Variants in CNOT6L observed in about 807,000 individuals in gnomAD.
The protein encoded by CNOT6L is CCR4-NOT transcription complex subunit 6 like.
Under a neutral mutation model 64.0 loss-of-function variants are expected in CNOT6L, and 7 were observed. That is an observed-to-expected ratio of 0.11 (90% confidence interval 0.06 to 0.21). The LOEUF is 0.21. CNOT6L is among the 10% of genes least tolerant of loss of function. CNOT6L has a pLI of 1.00. For synonymous variants in CNOT6L, 193 were observed against 243.4 expected (o/e 0.79, Z 1.93); for missense variants, 245 against 669.0 (o/e 0.37, Z 6.99).
At chr4:77,770,253 G>GA (rs1286623361) in intron 4 of CNOT6L, among the ~76,000 whole-genome samples, 3 of 151,856 alleles carry the variant, frequency 2.0e-5, no homozygotes, top group Non-Finnish European at 4.4e-5. Flanking sequence ...AGGATATAGA[G>GA]AAAAAAAATC....
chr4:77,814,593 C>T (rs914281607), intron 1 of CNOT6L, among the ~76,000 whole-genome samples: 3 of 152,090 alleles, frequency 2.0e-5, no homozygotes, highest in Admixed American at 2.0e-4. Context: ...GAACTGGGTA[C>T]AATAATAGGT....
At position 77,731,399 on chromosome 4, in the gene CNOT6L, G is replaced by A; in HGVS notation, c.1012C>T (p.Leu338=). 1 of 1,611,832 alleles carries A rather than the reference G, an allele frequency of 6.2e-7. No homozygotes were observed. The highest frequency in any genetic ancestry group is 8.5e-7 in the Non-Finnish European group (1 of 1,179,238). ...VAVVLEVHKE[L]FGAGMKPIHA... ...ACATTGCACTCACCTGCTCCAAATAGTTCTTTGTGGACCTCTAATACCACA... is the reference window on the plus strand; with the variant it reads ...ACATTGCACTCACCTGCTCCAAATAATTCTTTGTGGACCTCTAATACCACA... Residue 338 remains leucine, a synonymous_variant, in exon 9 of 12, where the codon CTA becomes TTA. Transcript: ENST00000504123.
At chr4:77,762,236 A>T in intron 4 of CNOT6L, among the ~76,000 whole-genome samples, 1 of 152,180 alleles carries the variant, frequency 6.6e-6, no homozygotes, top group East Asian at 1.9e-4. Flanking sequence ...TCATTCTAAA[A>T]TGTATATGAA....
intron 4 of CNOT6L, among the ~76,000 whole-genome samples, chr4:77,772,296 G>A (rs1727645307): frequency 6.6e-6 from 1 of 151,972 alleles, no homozygotes; most frequent in South Asian, 2.1e-4. Context: ...ACAGTGGCGC[G>A]ATCTCGGCTC....
chr4:77,766,215 T>G (rs544967637), intron 4 of CNOT6L, among the ~76,000 whole-genome samples: 1 of 152,306 alleles, frequency 6.6e-6, no homozygotes, highest in South Asian at 2.1e-4. Flanking sequence ...TGTATGTATA[T>G]GTATATATAT....
At chr4:77,745,181 CT>C (rs1179643305) in intron 6 of CNOT6L, among the ~76,000 whole-genome samples, 2 of 152,008 alleles carry the variant, frequency 1.3e-5, no homozygotes, top group African/African-American at 4.8e-5. Context: ...TTGAGAAAAG[CT>C]TCTTTAAATG....
Position 77,715,273 on chromosome 4 carries a change from C to T in CNOT6L, c.*5158G>A, listed in dbSNP as rs1032339867. ...GTCATATCACTTGGCATTTGTATAT[C>T]CTTTCCATAATGTGATTTGTTTCTG... On this transcript the variant is annotated 3_prime_UTR_variant, in exon 12 of 12. Transcript: ENST00000504123. 3.3e-5 allele frequency: 5 copies of T among 152,144 alleles called. No individual in the cohort carries two copies. The highest frequency in any genetic ancestry group is 7.4e-5 in the Non-Finnish European group (5 of 67,974). 9.4% of individuals were successfully genotyped at this position (152,144 alleles called of 1,614,324 possible).
intron 8 of CNOT6L, 158 bp from the exon 9 acceptor site, chr4:77,731,696 T>C (rs529134791): frequency 1.2e-5 from 6 of 517,584 alleles, no homozygotes; most frequent in African/African-American, 4.0e-5. Flanking sequence ...AGTCTGATTA[T>C]TGTAAAAAGT....
chr4:77,752,794 C>T (rs1724995004), intron 5 of CNOT6L, among the ~76,000 whole-genome samples: 1 of 151,760 alleles, frequency 6.6e-6, no homozygotes, highest in African/African-American at 2.4e-5. Flanking sequence ...GAAATTAAGG[C>T]ATGTTCACCT....
chr4:77,748,627 C>T (rs1724475567), intron 5 of CNOT6L, among the ~76,000 whole-genome samples: 1 of 152,134 alleles, frequency 6.6e-6, no homozygotes, highest in African/African-American at 2.4e-5. Context: ...TTTTCACTTA[C>T]ATGGTATTTA....
intron 8 of CNOT6L, among the ~76,000 whole-genome samples, chr4:77,734,204 T>C (rs1192653332): frequency 6.6e-6 from 1 of 152,132 alleles, no homozygotes; most frequent in African/African-American, 2.4e-5. Context: ...AGTCCTGCAT[T>C]TATAGGTACT....
In CNOT6L at chr4:77,721,577, T is replaced by C. The variant is rs570397761; in HGVS notation, c.1456-934A>G. Among the ~76,000 whole-genome samples the C allele has an allele frequency of 3.3e-5, 5 of 152,328 alleles. No individual in the cohort carries two copies. The South Asian group carries it at 1.0e-3, about 32-fold the overall frequency. On this transcript the variant is annotated intron_variant, in intron 11 of 11. Transcript: ENST00000504123. Reference sequence around the variant, plus strand: ...GGGCTACTTAAAAAATAAAAACTTTTAATGAAAACAAATTTTTTTATTGTG... The same window carrying C: ...GGGCTACTTAAAAAATAAAAACTTTCAATGAAAACAAATTTTTTTATTGTG...
chr4:77,789,219 G>A (rs1729803536), intron 1 of CNOT6L, among the ~76,000 whole-genome samples: 1 of 151,974 alleles, frequency 6.6e-6, no homozygotes. Context: ...CAAAGTGATA[G>A]TAAACCCTCT....
intron 11 of CNOT6L, among the ~76,000 whole-genome samples, chr4:77,725,333 T>C (rs1030319876): frequency 3.3e-5 from 5 of 152,236 alleles, no homozygotes; most frequent in Non-Finnish European, 7.3e-5. Context: ...TCCTCTAGGC[T>C]TCTTATACCA....
At chr4:77,744,671 T>A (rs1440737717) in intron 7 of CNOT6L, 47 bp downstream of exon 7, 2 of 1,511,550 alleles carry the variant, frequency 1.3e-6, no homozygotes, top group African/African-American at 2.8e-5. Context: ...CTCTTATGTT[T>A]AAGTTCACCT....
rs1218266089 is a variant in CNOT6L, at chr4:77,818,961, G to A, written c.5+343C>T. ...CAGCCCTCCCCGGCCGGCCCCCTAGGAGCAGCTCTCACCTGCGAGGCTCGG... is the reference window on the plus strand; with the variant it reads ...CAGCCCTCCCCGGCCGGCCCCCTAGAAGCAGCTCTCACCTGCGAGGCTCGG... On this transcript the variant is annotated intron_variant, in intron 1 of 11. Coordinates refer to ENST00000504123, the MANE Select transcript of CNOT6L (RefSeq NM_144571.3). The A allele has an allele frequency of 7.6e-6, 5 of 660,698 alleles. No individual in the cohort carries two copies. In the Middle Eastern group the frequency reaches 1.2e-3, roughly 153 times the overall value. The allele number at this position is 660,698 out of a possible 1,614,324, so 40.9% of individuals were successfully genotyped here.
chr4:77,763,405 A>C (rs1726461482), intron 4 of CNOT6L, among the ~76,000 whole-genome samples: 1 of 152,114 alleles, frequency 6.6e-6, no homozygotes, highest in South Asian at 2.1e-4. Flanking sequence ...TCCTAATAAG[A>C]AGCTCAGTAC....
In CNOT6L at chr4:77,754,888, T is replaced by TAAAAAAAAAAAAAAAAA; in HGVS notation, c.490+1957_490+1973dup. Among the ~76,000 whole-genome samples, 237 of 36,914 alleles carry TAAAAAAAAAAAAAAAAA rather than the reference T, an allele frequency of 6.4e-3. 42 individuals carry two copies. Among genetic ancestry groups the TAAAAAAAAAAAAAAAAA allele is most frequent in the South Asian group, 0.012 (7 of 586 alleles). 24.2% of individuals were successfully genotyped at this position (36,914 alleles called of 152,430 possible). A position where few individuals can be genotyped will look rare whatever the true frequency, so the allele number is the denominator to read the frequency against. On this transcript the variant is annotated intron_variant, in intron 5 of 11. Coordinates refer to ENST00000504123, the MANE Select transcript of CNOT6L (RefSeq NM_144571.3). ...AAAACCTAATTCTAAACATTAGAAG[T>TAAAAAAAAAAAAAAAAA]AAAAAAAAAAAAAAAAAAAAAAAAA...
intron 1 of CNOT6L, among the ~76,000 whole-genome samples, chr4:77,801,551 G>A (rs1398863929): frequency 6.6e-6 from 1 of 151,946 alleles, no homozygotes; most frequent in Non-Finnish European, 1.5e-5. Context: ...TAAGAGTCAA[G>A]GAATACAGTT....
Sources: allele counts gnomAD v4.1 joint callset (sites outside exome capture counted in the v4.1 genomes callset), GRCh38; gene constraint gnomAD v4.1.1; transcripts MANE v1.5; gene names NCBI Gene and HGNC (gene_info 2026-07-23, HGNC 2026-07-21).